CCDC171: variants seen among roughly 807,000 people sequenced by gnomAD.
CCDC171 encodes the protein coiled-coil domain containing 171, also known as coiled-coil domain-containing protein 171.
Under a neutral mutation model 168.2 loss-of-function variants are expected in CCDC171, and 177 were observed. The ratio of observed to expected loss-of-function variants is 1.05; its 90% CI spans 0.93 to 1.19. CCDC171 has a LOEUF of 1.19. Ranked by LOEUF, CCDC171 falls within the 50% of genes most tolerant of loss-of-function variation. The probability of loss-of-function intolerance (pLI) is 0.00; values close to 1 mark genes in which losing one functional copy is unlikely to be tolerated. For synonymous variants in CCDC171, 687 were observed against 540.8 expected (o/e 1.27, Z -3.75); for missense variants, 1,991 against 1,539.0 (o/e 1.29, Z -4.91).
chr9:15,904,987 A>C (rs541446204), intron 24 of CCDC171, among the ~76,000 whole-genome samples: 2 of 152,302 alleles, frequency 1.3e-5, no homozygotes, highest in East Asian at 3.9e-4. Flanking sequence ...CTAAATATAT[A>C]TGCACCCAAT....
the CCDC171 span, among the ~76,000 whole-genome samples, chr9:16,108,432 C>T: frequency 1.3e-5 from 2 of 152,186 alleles, no homozygotes; most frequent in African/African-American, 2.4e-5. Flanking sequence ...AGTGACCTAA[C>T]TTCTATTTCC....
chr9:15,611,602 A>G (rs984977350), intron 6 of CCDC171, among the ~76,000 whole-genome samples: 1 of 151,960 alleles, frequency 6.6e-6, no homozygotes, highest in Non-Finnish European at 1.5e-5. Flanking sequence ...TAATCTCCTT[A>G]TTTTTAATAA....
chr9:15,771,565 T>C (rs554643106), intron 18 of CCDC171, among the ~76,000 whole-genome samples: 1 of 125,102 alleles, frequency 8.0e-6, no homozygotes, highest in East Asian at 3.4e-4. Context: ...TCATGTATAT[T>C]AACACTTTAT....
At chr9:15,928,787 A>AT (rs996165995) in intron 25 of CCDC171, among the ~76,000 whole-genome samples, 1 of 151,464 alleles carries the variant, frequency 6.6e-6, no homozygotes, top group African/African-American at 2.4e-5. Flanking sequence ...TGCAAAATAT[A>AT]TTTTTTTTGA....
intron 10 of CCDC171, among the ~76,000 whole-genome samples, chr9:15,687,777 A>G (rs780842421): frequency 1.3e-5 from 2 of 152,228 alleles, no homozygotes; most frequent in Non-Finnish European, 1.5e-5. Flanking sequence ...TAGATAATTT[A>G]AAATGGACAA....
At chr9:15,603,580 G>A (rs1465296426) in intron 6 of CCDC171, among the ~76,000 whole-genome samples, 1 of 152,100 alleles carries the variant, frequency 6.6e-6, no homozygotes, top group Non-Finnish European at 1.5e-5. Context: ...CAAAAGACAT[G>A]ATTTCATTCA....
At chr9:15,711,761 G>T (rs186459962) in intron 11 of CCDC171, among the ~76,000 whole-genome samples, 13 of 152,310 alleles carry the variant, frequency 8.5e-5, no homozygotes, top group African/African-American at 2.9e-4. Context: ...TGGCACTATT[G>T]TAAAGTTGAG....
chr9:15,916,150 T>G (rs963264696), intron 24 of CCDC171, among the ~76,000 whole-genome samples: 12 of 151,924 alleles, frequency 7.9e-5, no homozygotes, highest in African/African-American at 2.7e-4. Flanking sequence ...ACATTATGTC[T>G]AATAATTTAC....
intron 25 of CCDC171, among the ~76,000 whole-genome samples, chr9:15,935,892 A>G (rs1394485129): frequency 6.6e-6 from 1 of 152,134 alleles, no homozygotes; most frequent in East Asian, 1.9e-4. Flanking sequence ...AAATGTAATC[A>G]GACTCCAGTG....
chr9:15,858,815 T>A (rs925240120), intron 23 of CCDC171, among the ~76,000 whole-genome samples: 2 of 152,062 alleles, frequency 1.3e-5, no homozygotes, highest in Non-Finnish European at 2.9e-5. Context: ...ATGTAGAAGA[T>A]CACGTCATCT....
chr9:15,885,868 A>T (rs1819328947), intron 24 of CCDC171: 1 of 152,196 alleles, frequency 6.6e-6, no homozygotes, highest in Non-Finnish European at 1.5e-5. Context: ...ATTTCTTGTA[A>T]TAATTCCACA....
intron 3 of CCDC171, among the ~76,000 whole-genome samples, chr9:16,013,709 A>G (rs1832938533): frequency 6.6e-6 from 1 of 152,248 alleles, no homozygotes; most frequent in Non-Finnish European, 1.5e-5. Flanking sequence ...ACCACAATAA[A>G]GTGAGTCACA....
chr9:15,777,612 G>C lies in CCDC171; in HGVS notation c.2684G>C (p.Arg895Thr), dbSNP rs774808655. Residue 895 changes from arginine to threonine, a missense_variant, in exon 19 of 26, where the codon AGA becomes ACA. Transcript: ENST00000380701. Reference protein sequence around the residue: ...DVIGKADPNSRICGHLLIGAA... With the variant: ...DVIGKADPNSTICGHLLIGAA... ...TTTTTCTTTGAAGATCCAAATTCCA[G>C]AATTTGTGGACATTTACTCATAGGT... The C allele has an allele frequency of 6.3e-7, 1 of 1,599,426 alleles. No individual in the cohort carries two copies. Among genetic ancestry groups the C allele is most frequent in the East Asian group, 2.2e-5 (1 of 44,800 alleles).
At chr9:15,731,175 C>A (rs1422399724) in intron 16 of CCDC171, among the ~76,000 whole-genome samples, 1 of 152,046 alleles carries the variant, frequency 6.6e-6, no homozygotes, top group Non-Finnish European at 1.5e-5. Flanking sequence ...TTCCTTCTAT[C>A]TAACTGTATT....
At chr9:15,893,953 A>G (rs1820545696) in intron 24 of CCDC171, among the ~76,000 whole-genome samples, 1 of 152,158 alleles carries the variant, frequency 6.6e-6, no homozygotes, top group African/African-American at 2.4e-5. Flanking sequence ...TAAATAAATC[A>G]TTGTTATAAT....
intron 11 of CCDC171, 45 bp from the exon 12 acceptor site, chr9:15,721,724 C>T: frequency 8.8e-7 from 1 of 1,133,436 alleles, no homozygotes; most frequent in African/African-American, 1.6e-5. Context: ...AGTTTTGTCC[C>T]TTTGTGACTT....
At chr9:15,710,774 T>C (rs2052606347) in intron 11 of CCDC171, among the ~76,000 whole-genome samples, 1 of 151,990 alleles carries the variant, frequency 6.6e-6, no homozygotes, top group Non-Finnish European at 1.5e-5. Context: ...TTTTGTATTA[T>C]TTAGTAGAGA....
intron 21 of CCDC171, among the ~76,000 whole-genome samples, chr9:15,825,283 C>G (rs1400976705): frequency 6.6e-6 from 1 of 152,044 alleles, no homozygotes; most frequent in East Asian, 1.9e-4. Flanking sequence ...TGAGATCAGA[C>G]AATGCATAGA....
At chr9:15,635,808 G>C (rs977678486) in intron 7 of CCDC171, among the ~76,000 whole-genome samples, 2 of 152,158 alleles carry the variant, frequency 1.3e-5, no homozygotes, top group Non-Finnish European at 1.5e-5. Context: ...GATATATCTA[G>C]GAGAGGAATT....
Sources: gnomAD v4.1 joint callset for allele counts (sites outside exome capture counted in the v4.1 genomes callset) on GRCh38, gnomAD v4.1.1 for gene constraint, MANE v1.5 for transcripts, NCBI Gene and HGNC (gene_info 2026-07-23, HGNC 2026-07-21) for gene names.